Variants in HK2 observed in about 807,000 individuals in gnomAD.
HK2 encodes hexokinase-2.
In HK2, 42 loss-of-function variants were observed where a neutral mutation model predicts 92.9. The ratio of observed to expected loss-of-function variants is 0.45; its 90% confidence interval spans 0.35 to 0.58. HK2 has a LOEUF of 0.58. Ranked by LOEUF, HK2 falls within the 20% of genes least tolerant of loss-of-function variation. The pLI is 0.00. For missense variants in HK2, 978 were observed against 1,245.1 expected (o/e 0.79, Z 3.23); for synonymous variants, 422 against 468.0 (o/e 0.90, Z 1.27).
intron 2 of HK2, among the ~76,000 whole-genome samples, chr2:74,866,576 G>A (rs1392918643): frequency 6.6e-6 from 1 of 152,152 alleles, no homozygotes; most frequent in Non-Finnish European, 1.5e-5. Flanking sequence ...TATCACCCAG[G>A]ATCTGGATGT....
In HK2 at chr2:74,867,937, G is replaced by A. The variant is rs778757992; in HGVS notation, c.375+153G>A. Reference sequence around the variant, plus strand: ...CAGCTGTAAGGGCTCCCTCTCAGCCGGAGCTCAGGCTGTTCTGGTTGTATT... The same window carrying A: ...CAGCTGTAAGGGCTCCCTCTCAGCCAGAGCTCAGGCTGTTCTGGTTGTATT... On this transcript the variant is annotated intron_variant, in intron 3 of 17. Transcript: ENST00000290573. 35 of 848,092 alleles carry A rather than the reference G, an allele frequency of 4.1e-5. No individual in the cohort carries two copies. In the Middle Eastern group the frequency reaches 9.6e-4, roughly 23 times the overall value. 52.5% of individuals were successfully genotyped at this position (848,092 alleles called of 1,614,324 possible). A position where few individuals can be genotyped will look rare whatever the true frequency, so the allele number is the denominator to read the frequency against.
chr2:74,854,897 G>C (rs1231696378), intron 2 of HK2, among the ~76,000 whole-genome samples: 2 of 152,228 alleles, frequency 1.3e-5, no homozygotes, highest in African/African-American at 2.4e-5. Context: ...ATGTGGGAGG[G>C]ACAGTGTAGT....
chr2:74,878,957 C>T (rs759651026), intron 9 of HK2, 36 bp downstream of exon 9: 2 of 1,496,110 alleles, frequency 1.3e-6, no homozygotes, highest in African/African-American at 2.8e-5. Flanking sequence ...ATGCGGAGTT[C>T]CTGGAGTACC....
At chr2:74,848,487 TATG>T (rs1688495003) in intron 1 of HK2, among the ~76,000 whole-genome samples, 1 of 93,558 alleles carries the variant, frequency 1.1e-5, no homozygotes, top group Non-Finnish European at 2.2e-5. Context: ...CTTGTAAAAT[TATG>T]TTTCTGTACA....
chr2:74,836,701 C>T (rs1408160688), intron 1 of HK2, among the ~76,000 whole-genome samples: 4 of 152,166 alleles, frequency 2.6e-5, no homozygotes, highest in African/African-American at 7.2e-5. Context: ...TGACTCCCAG[C>T]TTAGGTGAGC....
rs189309636 is a variant in HK2 at position 74,837,319 on chromosome 2, C to T, written c.63+2676C>T. On this transcript the variant is annotated intron_variant, in intron 1 of 17. Coordinates refer to ENST00000290573, the MANE Select transcript of HK2 (RefSeq NM_000189.5). ...GGGGAATGTGAGCGGGCTCCTGGCC[C>T]GGGCCTCTGCCCACTCCTGGCTGCT... Among the ~76,000 whole-genome samples, 19 of 152,336 alleles carry T rather than the reference C, an allele frequency of 1.2e-4. No individual in the cohort carries two copies. In the East Asian group the frequency reaches 1.5e-3, roughly 12 times the overall value.
At chr2:74,845,600 T>A (rs934545263) in intron 1 of HK2, among the ~76,000 whole-genome samples, 3 of 152,246 alleles carry the variant, frequency 2.0e-5, no homozygotes, top group African/African-American at 7.2e-5. Context: ...GAGTGGCCCG[T>A]ATGCCTCCCT....
rs575621257 is a variant in HK2 at position 74,838,978 on chromosome 2, G to A, written c.63+4335G>A. On this transcript the variant is annotated intron_variant, in intron 1 of 17. Transcript: ENST00000290573. The stretch of plus-strand genomic sequence containing the variant: ...ACCATTGACCAAATTGTTTTAATAC[G>A]CATAGACTGGTGACATTTGCACTGG... 1.1e-4 allele frequency among the ~76,000 whole-genome samples: 16 copies of A among 152,244 alleles called. No homozygotes were observed. The South Asian group carries it at 3.3e-3, about 32-fold the overall frequency.
At chr2:74,852,281 G>T (rs1688589940) in intron 1 of HK2, among the ~76,000 whole-genome samples, 1 of 152,220 alleles carries the variant, frequency 6.6e-6, no homozygotes, top group Admixed American at 6.5e-5. Context: ...GCCCTGAGAT[G>T]TGAAAGTTGT....
rs1689696069 is a variant in HK2 at position 74,892,131 on chromosome 2, G to T, written c.*1190G>T. On this transcript the variant is annotated 3_prime_UTR_variant, in exon 18 of 18. Coordinates refer to ENST00000290573, the MANE Select transcript of HK2 (RefSeq NM_000189.5). ...AGTATTCCATGGGATGTTAAGCAAA[G>T]GAAACCAAAGGAATCGTTTCAAATG... 2.0e-5 allele frequency: 3 copies of T among 152,628 alleles called. No homozygotes were observed. Among genetic ancestry groups the T allele is most frequent in the African/African-American group, 7.2e-5 (3 of 41,548 alleles). The allele number at this position is 152,628 out of a possible 1,614,324, so 9.5% of individuals were successfully genotyped here.
At chr2:74,885,408 T>G in intron 12 of HK2, 86 bp from the exon 13 acceptor site, 1 of 886,068 alleles carries the variant, frequency 1.1e-6, no homozygotes, top group Non-Finnish European at 1.9e-6. Flanking sequence ...CCTGTGAGGT[T>G]GAGAGCTAGA....
At chr2:74,874,212 G>A in intron 6 of HK2, 54 bp from the exon 7 acceptor site, 1 of 1,605,758 alleles carries the variant, frequency 6.2e-7, no homozygotes. Flanking sequence ...AGAGGGAAGA[G>A]GGGTGGGAAG....
At chr2:74,852,848 A>G (rs1688602207) in intron 1 of HK2, among the ~76,000 whole-genome samples, 1 of 152,214 alleles carries the variant, frequency 6.6e-6, no homozygotes, top group South Asian at 2.1e-4. Context: ...CTGCATTATC[A>G]TTTACATAGA....
At chr2:74,844,775 G>A (rs978873025) in intron 1 of HK2, among the ~76,000 whole-genome samples, 5 of 152,198 alleles carry the variant, frequency 3.3e-5, no homozygotes, top group Admixed American at 6.5e-5. Flanking sequence ...ATGCTGCTGC[G>A]GGGATCCCAT....
chr2:74,851,527 G>A (rs1247143057), intron 1 of HK2, among the ~76,000 whole-genome samples: 1 of 152,184 alleles, frequency 6.6e-6, no homozygotes, highest in Non-Finnish European at 1.5e-5. Context: ...ATTGGCTGTC[G>A]TAGAATTTGC....
At position 74,880,505 on chromosome 2, in the gene HK2, G is replaced by A. The variant is rs769383653; in HGVS notation, c.1506G>A (p.Glu502=). The part of the protein sequence containing the change: ...KVEMERGLSK[E]THASAPVKML... ...AAATGGAGCGAGGTCTGAGCAAGGA[G>A]ACTCATGCCAGTGCCCCCGTCAAGA... The change falls in exon 10 of 18, where the codon GAG becomes GAA. Residue 502 remains glutamate (E), a synonymous_variant. Transcript: ENST00000290573. 6.2e-7 allele frequency: 1 copy of A among 1,614,216 alleles called. No homozygotes were observed. The highest frequency in any genetic ancestry group is 1.3e-5 in the African/African-American group (1 of 75,062).
intron 4 of HK2, 60 bp from the exon 5 acceptor site, chr2:74,873,216 G>C: frequency 1.6e-6 from 2 of 1,224,042 alleles, no homozygotes; most frequent in Non-Finnish European, 2.4e-6. Context: ...GGTTTGAGGG[G>C]TGTGGTGTGA....
At chr2:74,867,465 G>A (rs1688981670) in intron 2 of HK2, among the ~76,000 whole-genome samples, 171 bp from the exon 3 acceptor site, 1 of 152,072 alleles carries the variant, frequency 6.6e-6, no homozygotes, top group African/African-American at 2.4e-5. Context: ...AAATAATAAT[G>A]TAAAGGTGTA....
intron 1 of HK2, among the ~76,000 whole-genome samples, chr2:74,849,708 A>AG (rs796924444): frequency 3.3e-5 from 5 of 152,116 alleles, no homozygotes; most frequent in African/African-American, 4.8e-5. Context: ...GTGGAAGGAA[A>AG]GGGGGGGTGA....
Sources: allele counts gnomAD v4.1 joint callset (sites outside exome capture counted in the v4.1 genomes callset), GRCh38; gene constraint gnomAD v4.1.1; transcripts MANE v1.5; gene names NCBI Gene and HGNC (gene_info 2026-07-23, HGNC 2026-07-21).